Variants in PROP1 observed in about 807,000 individuals in gnomAD.
PROP1 encodes the protein PROP paired-like homeobox 1.
PROP1 carries 12 observed loss-of-function variants against 22.3 expected under a neutral mutation model. The observed-to-expected ratio is 0.54, with a 90% CI of 0.34 to 0.87. PROP1 has a LOEUF of 0.87. Among genes scored for constraint, PROP1 ranks in the 40% least tolerant of loss-of-function variants. The pLI is 0.01. For synonymous variants in PROP1, 112 were observed against 116.7 expected, an observed-to-expected ratio of 0.96 and a Z score of 0.26; for missense variants, 278 against 295.1, an observed-to-expected ratio of 0.94 and a Z score of 0.43.
At position 177,996,235 on chromosome 5, in the gene PROP1, C is replaced by T. The variant is rs150629697; in HGVS notation, c.-302G>A. ...TTCTCTGCCTGGCCCTTCTCCCCAC[C>T]GGGATGCTGCTCCCTTCTGTCAGCT... On this transcript the variant is annotated 5_prime_UTR_variant, in exon 1 of 3. Coordinates refer to ENST00000308304, the MANE Select transcript of PROP1 (RefSeq NM_006261.5). 2.8e-3 allele frequency: 1,249 copies of T among 443,556 alleles called. 9 individuals are homozygous for T. The highest frequency in any genetic ancestry group is 0.016 in the African/African-American group (787 of 50,228). The allele number at this position is 443,556 out of a possible 1,614,324, so 27.5% of individuals were successfully genotyped here. A position where few individuals can be genotyped will look rare whatever the true frequency, so the allele number is the denominator to read the frequency against.
Position 177,992,771 on chromosome 5 carries a change from G to GGGGCCCGGC in PROP1, c.618_619insGCCGGGCCC (p.Leu206_Pro207insAlaGlyPro). ...AGCATGGGAGGGGGTGGGGGGCAGG[G>GGGGCCCGGC]CAGATGGCCGGCAGGGGCTGGGTGC... On this transcript the variant is annotated inframe_insertion, in exon 3 of 3. Transcript: ENST00000308304. The GGGGCCCGGC allele has an allele frequency of 9.2e-7, 1 of 1,086,570 alleles. No homozygotes were observed. The highest frequency in any genetic ancestry group is 1.4e-6 in the Non-Finnish European group (1 of 717,912). The allele number at this position is 1,086,570 out of a possible 1,614,324, so 67.3% of individuals were successfully genotyped here.
chr5:177,993,141 C>A, intron 2 of PROP1, 94 bp from the exon 3 acceptor site: 1 of 1,110,428 alleles, frequency 9.0e-7, no homozygotes, highest in Admixed American at 2.0e-5. Flanking sequence ...AGGGAGCAGG[C>A]TTCTCCAGCA....
chr5:177,994,975 A>G (rs1248491034), intron 1 of PROP1, among the ~76,000 whole-genome samples: 1 of 152,112 alleles, frequency 6.6e-6, no homozygotes, highest in African/African-American at 2.4e-5. Flanking sequence ...ACCCTTCTGG[A>G]CACACACGAC....
intron 2 of PROP1, among the ~76,000 whole-genome samples, 193 bp downstream of exon 2, chr5:177,993,913 A>G (rs1454816387): frequency 6.6e-6 from 1 of 152,174 alleles, no homozygotes; most frequent in Non-Finnish European, 1.5e-5. Context: ...TTGAAATTCA[A>G]GTTAGATTAG....
intron 2 of PROP1, 81 bp from the exon 3 acceptor site, chr5:177,993,128 G>T: frequency 1.6e-6 from 2 of 1,246,060 alleles, no homozygotes; most frequent in Non-Finnish European, 2.3e-6. Flanking sequence ...GAGGTGCAGG[G>T]ACAGGGAGCA....
At chr5:177,995,734 TCTC>T (rs2113068703) in intron 1 of PROP1, 88 bp downstream of exon 1, 5 of 1,030,994 alleles carry the variant, frequency 4.8e-6, no homozygotes, top group East Asian at 2.4e-5. Flanking sequence ...GGTTTTAATT[TCTC>T]CTCCTAACCT....
rs1249731190 is a variant in PROP1 at position 177,993,159 on chromosome 5, A to G, written c.343-112T>C. 19 of 925,468 alleles carry G rather than the reference A, an allele frequency of 2.1e-5. No individual in the cohort carries two copies. In the Admixed American group the frequency reaches 3.6e-4, roughly 17 times the overall value. 57.3% of individuals were successfully genotyped at this position (925,468 alleles called of 1,614,324 possible). On this transcript the variant is annotated intron_variant, in intron 2 of 2. Transcript: ENST00000308304. ...GAGCAGGCTTCTCCAGCATGGCCAGAGGGAGTAAAGCTCTTCCACAAGGCT... is the reference window on the plus strand; with the variant it reads ...GAGCAGGCTTCTCCAGCATGGCCAGGGGGAGTAAAGCTCTTCCACAAGGCT...
chr5:177,994,840 G>A (rs1755723423), intron 1 of PROP1, among the ~76,000 whole-genome samples: 1 of 151,960 alleles, frequency 6.6e-6, no homozygotes, highest in Non-Finnish European at 1.5e-5. Context: ...AGGCTGTGCT[G>A]TCTACACAGG....
chr5:177,995,789 C>T (rs1296265319), intron 1 of PROP1, 36 bp downstream of exon 1: 52 of 1,548,030 alleles, frequency 3.4e-5, no homozygotes, highest in Non-Finnish European at 4.5e-5. Flanking sequence ...CCCGCTGCCT[C>T]CTCAGGGACC....
Position 177,992,799 on chromosome 5 carries a change from G to A in PROP1, c.591C>T (p.Thr197=), listed in dbSNP as rs749659280. The A allele has an allele frequency of 6.2e-7, 1 of 1,606,470 alleles. No individual in the cohort carries two copies. Among genetic ancestry groups the A allele is most frequent in the South Asian group, 1.1e-5 (1 of 90,198 alleles). ...GATGGCCGGCAGGGGCTGGGTGCAA[G>A]GTAGGGTACCAGTCCTCAGACTGGT... ...LSHQSEDWYP[T]LHPAPAGHLP... The change falls in exon 3 of 3, where the codon ACC becomes ACT. Residue 197 remains threonine (T), a synonymous_variant. Coordinates refer to ENST00000308304, the MANE Select transcript of PROP1 (RefSeq NM_006261.5).
In PROP1 at chr5:177,992,471, AG is replaced by A; in HGVS notation, c.*237del. On this transcript the variant is annotated 3_prime_UTR_variant, in exon 3 of 3. Coordinates refer to ENST00000308304, the MANE Select transcript of PROP1 (RefSeq NM_006261.5). ...GTCTTCATCAATATCACCCTTCAGC[AG>A]GCAGCTCCACCGAGGCATCTTGCCC... 1.8e-6 allele frequency: 1 copy of A among 553,206 alleles called. No homozygotes were observed. The highest frequency in any genetic ancestry group is 3.2e-6 in the Non-Finnish European group (1 of 311,762). 34.3% of individuals were successfully genotyped at this position (553,206 alleles called of 1,614,324 possible). A position where few individuals can be genotyped will look rare whatever the true frequency, so the allele number is the denominator to read the frequency against.
In PROP1 at chr5:177,992,463, C is replaced by T; in HGVS notation, c.*246G>A. 1 of 549,650 alleles carries T rather than the reference C, an allele frequency of 1.8e-6. No individual in the cohort carries two copies. Among genetic ancestry groups the T allele is most frequent in the East Asian group, 2.9e-5 (1 of 34,526 alleles). The allele number at this position is 549,650 out of a possible 1,614,324, so 34.0% of individuals were successfully genotyped here. A position where few individuals can be genotyped will look rare whatever the true frequency, so the allele number is the denominator to read the frequency against. On this transcript the variant is annotated 3_prime_UTR_variant, in exon 3 of 3. Coordinates refer to ENST00000308304, the MANE Select transcript of PROP1 (RefSeq NM_006261.5). The stretch of plus-strand genomic sequence containing the variant: ...CAGCAACTGTCTTCATCAATATCAC[C>T]CTTCAGCAGGCAGCTCCACCGAGGC...
intron 1 of PROP1, among the ~76,000 whole-genome samples, chr5:177,995,601 C>T (rs1206847504): frequency 2.6e-5 from 4 of 152,078 alleles, no homozygotes; most frequent in South Asian, 2.1e-4. Flanking sequence ...ATCCCCACTG[C>T]AATGTGAGCT....
In PROP1 at chr5:177,994,137, CG is replaced by C. The variant is rs786204663; in HGVS notation, c.310del (p.Arg104GlyfsTer61). ...TCGGGCCTCACTGAGGCCAGTGTCC[CG>C]GGCAAGACTCTCTCGGGCCCAGATG... Reference protein sequence around the residue: ...PDIWARESLARDTGLSEARIQ... With the variant: ...PDIWARESLAXDTGLSEARIQ... On this transcript the variant is annotated frameshift_variant, in exon 2 of 3. Coordinates refer to ENST00000308304, the MANE Select transcript of PROP1 (RefSeq NM_006261.5). LOFTEE classifies it high-confidence loss of function. 1.5e-5 allele frequency: 25 copies of C among 1,614,156 alleles called. No individual in the cohort carries two copies. Among genetic ancestry groups the C allele is most frequent in the Non-Finnish European group, 2.0e-5 (24 of 1,180,020 alleles).
rs984622012 is a variant in PROP1, at chr5:177,993,136, G to A, written c.343-89C>T. ...ATGACAAGAGGTGCAGGGACAGGGA[G>A]CAGGCTTCTCCAGCATGGCCAGAGG... is the stretch of plus-strand genomic sequence containing the variant. On this transcript the variant is annotated intron_variant, in intron 2 of 2. Coordinates refer to ENST00000308304, the MANE Select transcript of PROP1 (RefSeq NM_006261.5). 11 of 1,164,574 alleles carry A rather than the reference G, an allele frequency of 9.4e-6. No individual in the cohort carries two copies. The East Asian group carries it at 1.0e-4, about 11-fold the overall frequency. The allele number at this position is 1,164,574 out of a possible 1,614,324, so 72.1% of individuals were successfully genotyped here.
In PROP1 at chr5:177,994,258, C is replaced by T. The variant is rs1309508542; in HGVS notation, c.190G>A (p.Gly64Ser). The stretch of plus-strand genomic sequence containing the variant: ...TGGCGGCGCCGGGAGTGCGGGCGGC[C>T]CCTCTGTCCTCCTTGCGGGGAGAAC... Reference protein sequence around the residue: ...SRFSPQGGQRGRPHSRRRHRT... With the variant: ...SRFSPQGGQRSRPHSRRRHRT... Residue 64 changes from glycine to serine, a missense_variant, in exon 2 of 3, where the codon GGC (glycine) becomes AGC (serine). Coordinates refer to ENST00000308304, the MANE Select transcript of PROP1 (RefSeq NM_006261.5). 1.2e-6 allele frequency: 2 copies of T among 1,613,910 alleles called. No individual in the cohort carries two copies. Among genetic ancestry groups the T allele is most frequent in the Non-Finnish European group, 8.5e-7 (1 of 1,179,870 alleles).
Position 177,992,643 on chromosome 5 carries a change from C to T in PROP1, c.*66G>A. 1 of 1,136,448 alleles carries T rather than the reference C, an allele frequency of 8.8e-7. No homozygotes were observed. The highest frequency in any genetic ancestry group is 1.3e-6 in the Non-Finnish European group (1 of 792,394). 70.4% of individuals were successfully genotyped at this position (1,136,448 alleles called of 1,614,324 possible). A position where few individuals can be genotyped will look rare whatever the true frequency, so the allele number is the denominator to read the frequency against. On this transcript the variant is annotated 3_prime_UTR_variant, in exon 3 of 3. Coordinates refer to ENST00000308304, the MANE Select transcript of PROP1 (RefSeq NM_006261.5). ...TCACCCATAGATGGAAAGGAAGCCA[C>T]CCCATTTTCTTGTCTTTTCACGAGG...
intron 1 of PROP1, among the ~76,000 whole-genome samples, 173 bp downstream of exon 1, chr5:177,995,652 C>G (rs540733632): frequency 1.8e-4 from 27 of 152,344 alleles, no homozygotes; most frequent in African/African-American, 5.5e-4. Flanking sequence ...GTTCCCCAGT[C>G]TGTAAAGCCA....
At chr5:177,995,129 C>T (rs945658439) in intron 1 of PROP1, among the ~76,000 whole-genome samples, 4 of 152,134 alleles carry the variant, frequency 2.6e-5, no homozygotes, top group Non-Finnish European at 4.4e-5. Flanking sequence ...TGCCATCTCC[C>T]GCACCCCTCA....
Sources: allele counts gnomAD v4.1 joint callset (sites outside exome capture counted in the v4.1 genomes callset), GRCh38; gene constraint gnomAD v4.1.1; transcripts MANE v1.5; gene names NCBI Gene and HGNC (gene_info 2026-07-23, HGNC 2026-07-21).